The following SESN1 variants were observed in gnomAD, a reference collection of about 807,000 sequenced individuals.
SESN1 encodes the protein sestrin-1.
Under a neutral mutation model 59.3 loss-of-function variants are expected in SESN1, and 30 were observed. The ratio of observed to expected loss-of-function variants is 0.51; its 90% CI spans 0.38 to 0.69. The LOEUF (loss-of-function observed/expected upper bound fraction) is 0.69, where lower values mean the gene tolerates loss of function less well. SESN1 is among the 30% of genes least tolerant of loss of function. The pLI is 0.00. For synonymous variants in SESN1, 197 were observed against 219.9 expected, an observed-to-expected ratio of 0.90 and a Z score of 0.92; for missense variants, 566 against 673.0, an observed-to-expected ratio of 0.84 and a Z score of 1.76.
intron 1 of SESN1, among the ~76,000 whole-genome samples, chr6:109,065,001 TTCC>T (rs1420237168): frequency 1.3e-5 from 2 of 152,128 alleles, no homozygotes; most frequent in Non-Finnish European, 2.9e-5. Flanking sequence ...TCCTCTTGTT[TTCC>T]TCATCAAGTA....
At chr6:109,044,556 A>G (rs144373303) in intron 1 of SESN1, among the ~76,000 whole-genome samples, 4 of 152,038 alleles carry the variant, frequency 2.6e-5, no homozygotes, top group African/African-American at 7.2e-5. Context: ...AGAAGAAAAC[A>G]TAAGAGAATA....
At chr6:109,009,549 G>T (rs1404436026) in intron 1 of SESN1, 6 of 994,890 alleles carry the variant, frequency 6.0e-6, no homozygotes, top group Middle Eastern at 4.0e-4. Context: ...CAGTCAGCAC[G>T]GACGGCGGGG....
chr6:109,091,682 T>A (rs1415522702), intron 1 of SESN1, among the ~76,000 whole-genome samples: 1 of 152,252 alleles, frequency 6.6e-6, no homozygotes, highest in Non-Finnish European at 1.5e-5. Context: ...CTATCTAAAA[T>A]TAAATTTTAT....
At position 108,985,338 on chromosome 6, in the gene SESN1, C is replaced by T. The variant is rs1779155754; in HGVS notation, c.*2206G>A. ...TGGGACCCTCAACCAGAAATCTTCT[C>T]ATGATTATTTTAGAAGAAAATTTTC... On this transcript the variant is annotated 3_prime_UTR_variant, in exon 10 of 10. Coordinates refer to ENST00000436639, the MANE Select transcript of SESN1 (RefSeq NM_014454.3). Among the ~76,000 whole-genome samples the T allele has an allele frequency of 6.6e-6, 1 of 152,072 alleles. No individual in the cohort carries two copies. The highest frequency in any genetic ancestry group is 1.5e-5 in the Non-Finnish European group (1 of 68,008).
intron 1 of SESN1, chr6:109,009,584 G>A (rs1779818236): frequency 9.3e-7 from 1 of 1,074,056 alleles, no homozygotes; most frequent in East Asian, 6.6e-5. Flanking sequence ...CGACAAACAA[G>A]CCGCGCGGCC....
chr6:109,007,785 C>CTTT (rs3083610), intron 1 of SESN1, among the ~76,000 whole-genome samples: 5 of 103,346 alleles, frequency 4.8e-5, no homozygotes, highest in African/African-American at 6.9e-5. Context: ...AGTCCAGGTA[C>CTTT]TTTTTTTTTT....
intron 1 of SESN1, among the ~76,000 whole-genome samples, chr6:109,053,825 G>T (rs1394942516): frequency 6.6e-6 from 1 of 152,178 alleles, no homozygotes; most frequent in African/African-American, 2.4e-5. Flanking sequence ...TATCATATCT[G>T]TATTAATAAG....
At chr6:109,010,815 A>G (rs932844452) in intron 1 of SESN1, among the ~76,000 whole-genome samples, 1 of 152,366 alleles carries the variant, frequency 6.6e-6, no homozygotes, top group South Asian at 2.1e-4. Flanking sequence ...GCACAGCCAC[A>G]AAAACAAACA....
chr6:108,994,229 T>C (rs1389828458), intron 6 of SESN1, among the ~76,000 whole-genome samples: 6 of 151,694 alleles, frequency 4.0e-5, no homozygotes, highest in Non-Finnish European at 8.8e-5. Flanking sequence ...TTAGAAGTAA[T>C]TTTAGTGCCA....
intron 1 of SESN1, among the ~76,000 whole-genome samples, chr6:109,053,674 T>C (rs1023811153): frequency 2.2e-4 from 33 of 152,182 alleles, no homozygotes; most frequent in African/African-American, 7.5e-4. Context: ...CTAAATGCAA[T>C]GAGAAGGCAT....
intron 1 of SESN1, among the ~76,000 whole-genome samples, chr6:109,034,933 T>A (rs1780229895): frequency 6.6e-6 from 1 of 152,242 alleles, no homozygotes; most frequent in African/African-American, 2.4e-5. Context: ...TAAGAACTTT[T>A]ATATCAGGGT....
chr6:109,002,950 A>C (rs1329195077), intron 1 of SESN1, among the ~76,000 whole-genome samples: 27 of 152,260 alleles, frequency 1.8e-4, no homozygotes, highest in Admixed American at 1.8e-3. Context: ...TTTTATTTAC[A>C]GGATGTCATC....
intron 1 of SESN1, among the ~76,000 whole-genome samples, chr6:109,075,074 T>C (rs1353880425): frequency 6.6e-6 from 1 of 152,120 alleles, no homozygotes; most frequent in Non-Finnish European, 1.5e-5. Flanking sequence ...TGAGGCTCCT[T>C]TATCTGGAGA....
chr6:108,994,698 CT>C (rs11395949), intron 5 of SESN1, 89 bp from the exon 6 acceptor site: 37,435 of 290,944 alleles, frequency 0.13, 5 homozygotes, highest in South Asian at 0.19. Context: ...GAATTTATAT[CT>C]TTTTTTTTTT....
At chr6:109,069,695 C>G (rs542904535) in intron 1 of SESN1, among the ~76,000 whole-genome samples, 3 of 152,086 alleles carry the variant, frequency 2.0e-5, no homozygotes, top group African/African-American at 7.2e-5. Context: ...CCGTGTACCA[C>G]GACACATAGC....
At chr6:109,024,415 C>A (rs1040026159) in intron 1 of SESN1, among the ~76,000 whole-genome samples, 4 of 152,090 alleles carry the variant, frequency 2.6e-5, no homozygotes, top group Admixed American at 6.6e-5. Context: ...TAGCAGGAAG[C>A]CATTTTCTAT....
At chr6:109,040,747 G>A (rs1287056050) in intron 1 of SESN1, among the ~76,000 whole-genome samples, 2 of 151,424 alleles carry the variant, frequency 1.3e-5, no homozygotes, top group Non-Finnish European at 2.9e-5. Context: ...CTGCCTCCTG[G>A]GTTCAAGCGA....
intron 1 of SESN1, among the ~76,000 whole-genome samples, chr6:109,045,953 G>A (rs1278150840): frequency 6.6e-6 from 1 of 152,088 alleles, no homozygotes; most frequent in Non-Finnish European, 1.5e-5. Context: ...GAACCCATAT[G>A]GGCTGAAAAA....
At chr6:109,057,474 GTTTT>G (rs1190292027) in intron 1 of SESN1, among the ~76,000 whole-genome samples, 2 of 152,078 alleles carry the variant, frequency 1.3e-5, no homozygotes, top group African/African-American at 4.8e-5. Context: ...ACATAGTAGG[GTTTT>G]TTTGTTATTT....
Sources: allele counts gnomAD v4.1 joint callset (sites outside exome capture counted in the v4.1 genomes callset), GRCh38; gene constraint gnomAD v4.1.1; transcripts MANE v1.5; gene names NCBI Gene and HGNC (gene_info 2026-07-23, HGNC 2026-07-21).